NRXN3: variants seen among roughly 807,000 people sequenced by gnomAD.
NRXN3 encodes neurexin 3, also known as neurexin III.
A neutral mutation model predicts 137.6 loss-of-function variants in NRXN3; 32 were observed. The observed-to-expected ratio is 0.23, with a 90% CI of 0.18 to 0.31. NRXN3 has a LOEUF of 0.31. NRXN3 is among the 10% of genes least tolerant of loss of function. NRXN3 has a pLI of 1.00. For synonymous variants in NRXN3, 798 were observed against 784.5 expected (o/e 1.02, Z -0.29); for missense variants, 1,574 against 2,062.5 (o/e 0.76, Z 4.59).
At chr14:79,011,073 C>G (rs897340762) in intron 15 of NRXN3, among the ~76,000 whole-genome samples, 1 of 151,514 alleles carries the variant, frequency 6.6e-6, no homozygotes, top group African/African-American at 2.4e-5. Flanking sequence ...CCAGATGGTG[C>G]GCAACCCACA....
intron 19 of NRXN3, among the ~76,000 whole-genome samples, chr14:79,710,823 G>T (rs745461337): frequency 2.6e-5 from 4 of 152,132 alleles, no homozygotes; most frequent in Non-Finnish European, 5.9e-5. Flanking sequence ...CAAACATTGG[G>T]TGTCTCATAA....
At chr14:79,014,404 T>A (rs1284534523) in intron 15 of NRXN3, among the ~76,000 whole-genome samples, 1 of 152,202 alleles carries the variant, frequency 6.6e-6, no homozygotes, top group Admixed American at 6.5e-5. Context: ...TAATAGCCTC[T>A]AACTCCATTC....
chr14:78,362,782 T>A (rs1016007261), intron 4 of NRXN3, among the ~76,000 whole-genome samples: 4 of 152,178 alleles, frequency 2.6e-5, no homozygotes, highest in Admixed American at 2.6e-4. Flanking sequence ...TAAGCAGCTT[T>A]TAAGACCCTC....
chr14:78,376,005 C>G (rs1567407537), intron 4 of NRXN3, among the ~76,000 whole-genome samples: 1 of 147,738 alleles, frequency 6.8e-6, no homozygotes, highest in Non-Finnish European at 1.5e-5. Flanking sequence ...CTCCTTGATA[C>G]ACACACACAC....
In NRXN3 at chr14:78,967,405, C is replaced by T. The variant is rs1267620120; in HGVS notation, c.2968+7C>T. 1 of 1,605,868 alleles carries T rather than the reference C, an allele frequency of 6.2e-7. No individual in the cohort carries two copies. Among genetic ancestry groups the T allele is most frequent in the African/African-American group, 1.3e-5 (1 of 74,592 alleles). Reference sequence around the variant, plus strand: ...AAAAATCTGGATTTGAAAGGTAAACCTTGTAAAGAAATTTAGTTTTTAATA... The same window carrying T: ...AAAAATCTGGATTTGAAAGGTAAACTTTGTAAAGAAATTTAGTTTTTAATA... On this transcript the variant is annotated splice_region_variant and intron_variant, in intron 13 of 20. Transcript: ENST00000335750.
At chr14:79,344,068 A>G (rs966740262) in intron 15 of NRXN3, among the ~76,000 whole-genome samples, 4 of 152,260 alleles carry the variant, frequency 2.6e-5, no homozygotes, top group African/African-American at 9.6e-5. Flanking sequence ...AAAAATGTTT[A>G]CCAGTTTTCT....
In NRXN3 at chr14:79,377,052, C is replaced by T. The variant is rs577356724; in HGVS notation, c.3263-90169C>T. Among the ~76,000 whole-genome samples, 16 of 152,284 alleles carry T rather than the reference C, an allele frequency of 1.1e-4. No homozygotes were observed. In the South Asian group the frequency reaches 3.1e-3, roughly 30 times the overall value. On this transcript the variant is annotated intron_variant, in intron 15 of 20. Coordinates refer to ENST00000335750, the MANE Select transcript of NRXN3 (RefSeq NM_001330195.2). ...TTGGCTGACTGATGTGTTTATTAGG[C>T]ACTTACTCTGTGCCCAACACAATGA... is the stretch of plus-strand genomic sequence containing the variant.
intron 2 of NRXN3, among the ~76,000 whole-genome samples, chr14:78,253,555 G>C (rs549870402): frequency 6.6e-6 from 1 of 152,164 alleles, no homozygotes; most frequent in South Asian, 2.1e-4. Context: ...CATGCCTGTG[G>C]TGCCAGCTAC....
chr14:79,025,013 T>A (rs149327192), intron 15 of NRXN3, among the ~76,000 whole-genome samples: 338 of 152,290 alleles, frequency 2.2e-3, no homozygotes, highest in Non-Finnish European at 3.4e-3. Context: ...GCCCTGGATG[T>A]GACTGCCTGT....
chr14:78,966,416 A>C lies in NRXN3; in HGVS notation c.2777+10A>C, dbSNP rs1333809281. 1 of 1,607,894 alleles carries C rather than the reference A, an allele frequency of 6.2e-7. No homozygotes were observed. The highest frequency in any genetic ancestry group is 8.5e-7 in the Non-Finnish European group (1 of 1,175,788). On this transcript the variant is annotated intron_variant, in intron 12 of 20. Coordinates refer to ENST00000335750, the MANE Select transcript of NRXN3 (RefSeq NM_001330195.2). ...TCGAGCTTGTCAAGGGGTAAGTAGA[A>C]GGGATCACGACTTATGTTGGACACC...
At chr14:79,297,671 G>A (rs1010099783) in intron 15 of NRXN3, among the ~76,000 whole-genome samples, 120 of 152,082 alleles carry the variant, frequency 7.9e-4, no homozygotes, top group African/African-American at 2.8e-3. Flanking sequence ...ATCATCAAAG[G>A]GAAAGTTAAG....
intron 4 of NRXN3, among the ~76,000 whole-genome samples, chr14:78,452,175 G>A (rs2094568323): frequency 6.6e-6 from 1 of 152,112 alleles, no homozygotes; most frequent in Admixed American, 6.5e-5. Flanking sequence ...CATTATTATA[G>A]CATATTGGCC....
rs942986641 is a variant in NRXN3 at position 79,861,885 on chromosome 14, C to G, written c.4637C>G (p.Thr1546Arg). 8.7e-6 allele frequency: 14 copies of G among 1,613,994 alleles called. No homozygotes were observed. Among genetic ancestry groups the G allele is most frequent in the Non-Finnish European group, 1.2e-5 (14 of 1,179,974 alleles). ...AGCAACTCCGCCCAGAGCAACGGCA[C>G]GCTCATGAAGGAGAAGCAGCAGAGC... ...YISNSAQSNG[T>R]LMKEKQQSSK... The change falls in exon 21 of 21, where the codon ACG becomes AGG. Residue 1546 changes from threonine (T) to arginine (R), a missense_variant. Around this residue, in one of 5 missense-constraint regions of NRXN3, gnomAD observed 320 missense variants for 387.1 expected, o/e 0.83. Coordinates refer to ENST00000335750, the MANE Select transcript of NRXN3 (RefSeq NM_001330195.2). The surrounding 1 kb of genome is among the most constrained non-coding windows in gnomAD (Gnocchi z 5.4).
intron 15 of NRXN3, among the ~76,000 whole-genome samples, chr14:78,994,793 G>T (rs1329753059): frequency 6.6e-6 from 1 of 152,068 alleles, no homozygotes; most frequent in African/African-American, 2.4e-5. Context: ...TAGGATTAGT[G>T]GTAGTTTTTA....
intron 1 of NRXN3, among the ~76,000 whole-genome samples, chr14:78,195,130 C>T (rs901312561): frequency 1.4e-5 from 2 of 146,354 alleles, no homozygotes; most frequent in African/African-American, 5.1e-5. Context: ...AAATTTCAAG[C>T]TGAGATAATG....
intron 15 of NRXN3, chr14:79,279,957 T>TTCG: frequency 8.8e-7 from 1 of 1,135,796 alleles, no homozygotes. Context: ...TCGAAGTGCC[T>TTCG]AGAGATCCGG....
At chr14:79,603,090 C>T (rs2097947766) in intron 16 of NRXN3, among the ~76,000 whole-genome samples, 2 of 152,224 alleles carry the variant, frequency 1.3e-5, no homozygotes, top group South Asian at 4.1e-4. Context: ...CCATTTCTTA[C>T]AGGAACTTTT....
chr14:79,692,693 A>G (rs1348979737), intron 18 of NRXN3, among the ~76,000 whole-genome samples: 2 of 152,080 alleles, frequency 1.3e-5, no homozygotes, highest in African/African-American at 4.8e-5. Context: ...ACAAAAAACA[A>G]ACAAAAAAAC....
chr14:79,068,136 T>G (rs2099683107), intron 15 of NRXN3, among the ~76,000 whole-genome samples: 1 of 152,072 alleles, frequency 6.6e-6, no homozygotes, highest in African/African-American at 2.4e-5. Flanking sequence ...TACTAGAGGT[T>G]ATCTTGTATT....
Sources: gnomAD v4.1 joint callset for allele counts (sites outside exome capture counted in the v4.1 genomes callset) on GRCh38, gnomAD v4.1.1 for gene constraint, gnomAD v4.1.1 regional missense constraint, Gnocchi (gnomAD v3.1) non-coding constraint, MANE v1.5 for transcripts, NCBI Gene and HGNC (gene_info 2026-07-23, HGNC 2026-07-21) for gene names.